CFDP1: variants seen among roughly 807,000 people sequenced by gnomAD.
The protein encoded by CFDP1 is chromatin remodeling protein CFDP1, also known as heterochromatin-stabilizing protein CFDP1.
A neutral mutation model predicts 40.1 loss-of-function variants in CFDP1; 31 were observed. That is an observed-to-expected ratio of 0.77 (90% CI 0.58 to 1.04). The LOEUF (loss-of-function observed/expected upper bound fraction) is 1.04. CFDP1 is among the 50% of genes least tolerant of loss of function. CFDP1 has a pLI of 0.00. For missense variants in CFDP1, 423 were observed against 343.4 expected, an observed-to-expected ratio of 1.23 and a Z score of -1.83; for synonymous variants, 167 against 120.0, an observed-to-expected ratio of 1.39 and a Z score of -2.56.
chr16:75,397,181 T>G (rs1025664427), intron 4 of CFDP1, among the ~76,000 whole-genome samples: 8 of 151,422 alleles, frequency 5.3e-5, no homozygotes, highest in African/African-American at 1.7e-4. Flanking sequence ...CCCAAAGTGC[T>G]GGGATTACAG....
intron 5 of CFDP1, among the ~76,000 whole-genome samples, chr16:75,385,854 T>C (rs2078893377): frequency 6.6e-6 from 1 of 152,214 alleles, no homozygotes; most frequent in South Asian, 2.1e-4. Context: ...AGGTCTTCGT[T>C]TCCTTGCTCC....
chr16:75,377,162 T>C (rs1402521781), intron 5 of CFDP1, among the ~76,000 whole-genome samples: 4 of 152,246 alleles, frequency 2.6e-5, no homozygotes, highest in African/African-American at 9.6e-5. Context: ...TATATGGATG[T>C]ATTCAATTGT....
intron 5 of CFDP1, among the ~76,000 whole-genome samples, chr16:75,365,988 A>C (rs1485229028): frequency 6.6e-6 from 1 of 152,212 alleles, no homozygotes; most frequent in Non-Finnish European, 1.5e-5. Context: ...ATTCCTTAAA[A>C]TTTCTTTGAA....
chr16:75,427,001 G>C (rs1251057071), intron 1 of CFDP1, among the ~76,000 whole-genome samples: 1 of 150,578 alleles, frequency 6.6e-6, no homozygotes, highest in Non-Finnish European at 1.5e-5. Flanking sequence ...GTTGTGGTGA[G>C]CCAAGATTAT....
At chr16:75,367,510 C>G (rs923240670) in intron 5 of CFDP1, among the ~76,000 whole-genome samples, 9 of 151,010 alleles carry the variant, frequency 6.0e-5, no homozygotes, top group Non-Finnish European at 3.0e-5. Flanking sequence ...ACTTAACAGT[C>G]GGCTGGGTGC....
At chr16:75,322,902 G>A (rs988740076) in intron 5 of CFDP1, among the ~76,000 whole-genome samples, 1 of 152,176 alleles carries the variant, frequency 6.6e-6, no homozygotes, top group African/African-American at 2.4e-5. Flanking sequence ...CCGCAGGACT[G>A]GAAGTTGCTC....
intron 4 of CFDP1, among the ~76,000 whole-genome samples, chr16:75,401,428 CA>C (rs35178768): frequency 0.2 from 18,351 of 92,200 alleles, 1,192 homozygotes; most frequent in Middle Eastern, 0.25. Context: ...GACTCCGTCT[CA>C]AAAAAAAAAA....
intron 1 of CFDP1, among the ~76,000 whole-genome samples, chr16:75,424,849 G>C (rs963713385): frequency 6.6e-6 from 1 of 151,900 alleles, no homozygotes; most frequent in Non-Finnish European, 1.5e-5. Flanking sequence ...GTACAACAAG[G>C]CAAGCAAAAT....
intron 1 of CFDP1, among the ~76,000 whole-genome samples, chr16:75,430,894 C>A (rs146141969): frequency 6.6e-6 from 1 of 152,212 alleles, no homozygotes; most frequent in African/African-American, 2.4e-5. Flanking sequence ...GAGGCAGGTT[C>A]AGCCCCCACT....
At chr16:75,430,563 C>T (rs935824814) in intron 1 of CFDP1, among the ~76,000 whole-genome samples, 4 of 151,958 alleles carry the variant, frequency 2.6e-5, no homozygotes, top group African/African-American at 9.7e-5. Context: ...CTCTTGGGTT[C>T]AAGAGATCTC....
chr16:75,397,641 A>G (rs1441189002), intron 4 of CFDP1, among the ~76,000 whole-genome samples: 1 of 152,034 alleles, frequency 6.6e-6, no homozygotes, highest in Non-Finnish European at 1.5e-5. Context: ...TCTCTACTAA[A>G]AAAAGTAAAA....
intron 5 of CFDP1, among the ~76,000 whole-genome samples, chr16:75,320,844 C>G (rs2151509636): frequency 6.6e-6 from 1 of 152,318 alleles, no homozygotes; most frequent in East Asian, 1.9e-4. Context: ...AAAACATGAC[C>G]TGAGTCACAC....
chr16:75,422,387 G>GTAT (rs1256800577), intron 1 of CFDP1, among the ~76,000 whole-genome samples: 2 of 146,368 alleles, frequency 1.4e-5, no homozygotes, highest in African/African-American at 5.1e-5. Flanking sequence ...GAGCCACTGC[G>GTAT]TATGGCCTCT....
chr16:75,393,575 C>G (rs1419651058), intron 5 of CFDP1, among the ~76,000 whole-genome samples: 1 of 150,832 alleles, frequency 6.6e-6, no homozygotes, highest in East Asian at 1.9e-4. Context: ...ACTAAAAATA[C>G]AAAAAATTAG....
chr16:75,422,389 A>G (rs1195093810), intron 1 of CFDP1, among the ~76,000 whole-genome samples: 1 of 136,582 alleles, frequency 7.3e-6, no homozygotes, highest in Non-Finnish European at 1.5e-5. Flanking sequence ...GCCACTGCGT[A>G]TGGCCTCTTT....
At chr16:75,303,399 A>AAATG (rs1555552217) in intron 6 of CFDP1, among the ~76,000 whole-genome samples, 25 of 45,466 alleles carry the variant, frequency 5.5e-4, no homozygotes, top group South Asian at 1.6e-3. Context: ...ATAAATAAAT[A>AAATG]AATGTATGTA....
At chr16:75,373,811 A>G (rs1414613820) in intron 5 of CFDP1, among the ~76,000 whole-genome samples, 1 of 152,164 alleles carries the variant, frequency 6.6e-6, no homozygotes, top group Non-Finnish European at 1.5e-5. Flanking sequence ...TACTAATCCT[A>G]ATTGTAATAA....
intron 5 of CFDP1, among the ~76,000 whole-genome samples, chr16:75,342,390 C>T (rs192797318): frequency 2.3e-4 from 35 of 152,250 alleles, no homozygotes; most frequent in African/African-American, 7.7e-4. Flanking sequence ...CTTATGTATC[C>T]AAAACTCTGC....
intron 5 of CFDP1, among the ~76,000 whole-genome samples, chr16:75,386,647 C>T (rs1413934032): frequency 1.3e-5 from 2 of 152,166 alleles, no homozygotes; most frequent in African/African-American, 4.8e-5. Flanking sequence ...ATCACTTGAA[C>T]CTGGGAGGCG....
Sources: allele counts gnomAD v4.1 joint callset (sites outside exome capture counted in the v4.1 genomes callset), GRCh38; gene constraint gnomAD v4.1.1; transcripts MANE v1.5; gene names NCBI Gene and HGNC (gene_info 2026-07-23, HGNC 2026-07-21).